The following CELF2 variants were observed in gnomAD, a reference collection of about 807,000 sequenced individuals.
The protein encoded by CELF2 is CUG triplet repeat RNA-binding protein 2.
In CELF2, 8 loss-of-function variants were observed where a neutral mutation model predicts 62.6. The ratio of observed to expected loss-of-function variants is 0.13; its 90% CI spans 0.07 to 0.23. The LOEUF is 0.23. Ranked by LOEUF, CELF2 falls within the 10% of genes least tolerant of loss-of-function variation. CELF2 has a pLI of 1.00. For missense variants in CELF2, 333 were observed against 671.0 expected, an observed-to-expected ratio of 0.50 and a Z score of 5.56; for synonymous variants, 258 against 250.0, an observed-to-expected ratio of 1.03 and a Z score of -0.30.
At chr10:11,161,434 A>G (rs1428382982) in intron 1 of CELF2, among the ~76,000 whole-genome samples, 1 of 152,184 alleles carries the variant, frequency 6.6e-6, no homozygotes, top group Middle Eastern at 3.2e-3. Context: ...ACCTGGAGAA[A>G]CCCAACTCAT....
intron 1 of CELF2, among the ~76,000 whole-genome samples, chr10:11,052,616 C>T (rs1219281785): frequency 1.3e-5 from 2 of 152,206 alleles, no homozygotes; most frequent in African/African-American, 4.8e-5. Context: ...TTCTTTACAT[C>T]CTTCAATAGT....
At chr10:10,607,533 G>A in the CELF2 span, among the ~76,000 whole-genome samples, 1 of 152,078 alleles carries the variant, frequency 6.6e-6, no homozygotes, top group Admixed American at 6.5e-5. Flanking sequence ...AAACACAATG[G>A]TATCAAAAGA....
intron 1 of CELF2, among the ~76,000 whole-genome samples, chr10:10,862,698 A>G (rs2060117397): frequency 6.6e-6 from 1 of 152,202 alleles, no homozygotes; most frequent in Non-Finnish European, 1.5e-5. Context: ...TCATTTGCAG[A>G]CATGCTTTAA....
At chr10:11,103,738 T>C (rs1454916126) in intron 1 of CELF2, among the ~76,000 whole-genome samples, 1 of 152,132 alleles carries the variant, frequency 6.6e-6, no homozygotes, top group Middle Eastern at 3.2e-3. Context: ...TGAGTTCTGA[T>C]TACTGGTTCG....
the CELF2 span, among the ~76,000 whole-genome samples, chr10:10,589,896 T>C: frequency 6.6e-6 from 1 of 152,196 alleles, no homozygotes; most frequent in African/African-American, 2.4e-5. Context: ...GTCCTAGACT[T>C]CCCTCAGATA....
At chr10:10,870,666 A>C (rs2060679719) in intron 1 of CELF2, among the ~76,000 whole-genome samples, 1 of 152,186 alleles carries the variant, frequency 6.6e-6, no homozygotes, top group African/African-American at 2.4e-5. Flanking sequence ...TTCTCTGGTT[A>C]CACATTCTTG....
chr10:10,526,154 A>G, the CELF2 span, among the ~76,000 whole-genome samples: 2 of 152,230 alleles, frequency 1.3e-5, no homozygotes, highest in Non-Finnish European at 2.9e-5. Flanking sequence ...ACACTAGCTC[A>G]ATAGACCTGT....
the CELF2 span, among the ~76,000 whole-genome samples, chr10:10,465,831 G>C: frequency 6.6e-6 from 1 of 152,066 alleles, no homozygotes; most frequent in Admixed American, 6.6e-5. Flanking sequence ...ACAATTACCA[G>C]CTAACAAGCT....
At position 11,331,308 on chromosome 10, in the gene CELF2, A is replaced by G. The variant is rs1471560893; in HGVS notation, c.*2255A>G. 1.3e-5 allele frequency: 2 copies of G among 152,122 alleles called. No individual in the cohort carries two copies. Among genetic ancestry groups the G allele is most frequent in the Non-Finnish European group, 2.9e-5 (2 of 67,940 alleles). The allele number at this position is 152,122 out of a possible 1,614,324, so 9.4% of individuals were successfully genotyped here. A position where few individuals can be genotyped will look rare whatever the true frequency, so the allele number is the denominator to read the frequency against. ...AAAAAAAAAAAAAAGAATTTCAAAA[A>G]AAAAAGTTGTTTGCTTAAAAAAAAT... is the stretch of plus-strand genomic sequence containing the variant. On this transcript the variant is annotated 3_prime_UTR_variant, in exon 13 of 13. Transcript: ENST00000633077.
At chr10:11,190,612 C>A (rs1289959646) in intron 2 of CELF2, among the ~76,000 whole-genome samples, 1 of 148,266 alleles carries the variant, frequency 6.7e-6, no homozygotes, top group South Asian at 2.2e-4. Context: ...AGGAATTGTT[C>A]TTTTAAAAAA....
At chr10:10,751,335 A>G in the CELF2 span, among the ~76,000 whole-genome samples, 1 of 152,250 alleles carries the variant, frequency 6.6e-6, no homozygotes, top group Non-Finnish European at 1.5e-5. Flanking sequence ...AGCTGACTTC[A>G]GTCTGGAGGT....
At chr10:10,508,704 G>GTGTGTGTGTA in the CELF2 span, among the ~76,000 whole-genome samples, 77 of 60,926 alleles carry the variant, frequency 1.3e-3, 2 homozygotes, top group African/African-American at 3.9e-3. Context: ...GTGTGTGTGT[G>GTGTGTGTGTA]TATATTTTTT....
rs892529389 is a variant in CELF2, at chr10:11,195,925, G to T, written c.272-21500G>T. On this transcript the variant is annotated intron_variant, in intron 2 of 12. Transcript: ENST00000633077. ...GGCTTTTTGAGTGTCTTCATTCACAGATGCAGTCACAAAATATTAATACTC... is the reference window on the plus strand; with the variant it reads ...GGCTTTTTGAGTGTCTTCATTCACATATGCAGTCACAAAATATTAATACTC... Among the ~76,000 whole-genome samples, 7 of 152,046 alleles carry T rather than the reference G, an allele frequency of 4.6e-5. No homozygotes were observed. In the South Asian group the frequency reaches 1.4e-3, roughly 31 times the overall value.
At position 11,246,290 on chromosome 10, in the gene CELF2, C is replaced by T. The variant is rs1589762526; in HGVS notation, c.355-2863C>T. On this transcript the variant is annotated intron_variant, in intron 3 of 12. Transcript: ENST00000633077. The surrounding 1 kb of genome is among the most constrained non-coding windows in gnomAD (Gnocchi z 4.6). ...ATGTAGGTGCGCTCACCTCATCTCT[C>T]CCATATCTTGAACCTGTGAATCTCA... is the stretch of plus-strand genomic sequence containing the variant. Among the ~76,000 whole-genome samples the T allele has an allele frequency of 6.6e-6, 1 of 152,090 alleles. No homozygotes were observed. Among genetic ancestry groups the T allele is most frequent in the East Asian group, 1.9e-4 (1 of 5,192 alleles).
intron 1 of CELF2, among the ~76,000 whole-genome samples, chr10:11,036,236 C>A (rs1167664784): frequency 6.6e-6 from 1 of 152,180 alleles, no homozygotes; most frequent in African/African-American, 2.4e-5. Context: ...ATAGACAAAC[C>A]TTGTTCCTAA....
At chr10:10,904,341 G>A (rs1037873557) in intron 1 of CELF2, among the ~76,000 whole-genome samples, 4 of 151,472 alleles carry the variant, frequency 2.6e-5, no homozygotes, top group Admixed American at 2.6e-4. Context: ...ATCCTCCCAC[G>A]TCTACCTCCC....
the CELF2 span, among the ~76,000 whole-genome samples, chr10:10,711,313 A>G: frequency 6.6e-6 from 1 of 152,196 alleles, no homozygotes; most frequent in Non-Finnish European, 1.5e-5. Context: ...ATAGGCCAGG[A>G]GCTATGACAT....
chr10:10,848,330 T>G (rs575164780), intron 1 of CELF2, among the ~76,000 whole-genome samples: 16 of 152,332 alleles, frequency 1.1e-4, no homozygotes, highest in Non-Finnish European at 1.6e-4. Flanking sequence ...TTCCCCTGTC[T>G]GTACTTCAGC....
chr10:11,280,592 C>G lies in CELF2; in HGVS notation c.841+5472C>G, dbSNP rs1028169385. Among the ~76,000 whole-genome samples the G allele has an allele frequency of 6.6e-6, 1 of 152,194 alleles. No individual in the cohort carries two copies. The highest frequency in any genetic ancestry group is 1.5e-5 in the Non-Finnish European group (1 of 68,032). On this transcript the variant is annotated intron_variant, in intron 8 of 12. Coordinates refer to ENST00000633077, the MANE Select transcript of CELF2 (RefSeq NM_001326342.2). The surrounding 1 kb of genome is among the most constrained non-coding windows in gnomAD (Gnocchi z 7.6). ...AGGAACACTGGGGCCAAGACAGTCC[C>G]CACGCTCTTCTCGCCCCGGGTTATT... is the stretch of plus-strand genomic sequence containing the variant.
Sources: gnomAD v4.1 joint callset for allele counts (sites outside exome capture counted in the v4.1 genomes callset) on GRCh38, gnomAD v4.1.1 for gene constraint, Gnocchi (gnomAD v3.1) non-coding constraint, MANE v1.5 for transcripts, NCBI Gene and HGNC (gene_info 2026-07-23, HGNC 2026-07-21) for gene names.